Variants in KIAA0232 observed in about 807,000 individuals in gnomAD.
KIAA0232 encodes the protein uncharacterized protein KIAA0232.
KIAA0232 carries 27 observed loss-of-function variants against 122.0 expected under a neutral mutation model. That is an observed-to-expected ratio of 0.22 (90% CI 0.16 to 0.31). The LOEUF (loss-of-function observed/expected upper bound fraction) is 0.31. Among genes scored for constraint, KIAA0232 ranks in the 10% least tolerant of loss-of-function variants. The pLI, the probability that KIAA0232 is intolerant of heterozygous loss-of-function variation, is 1.00. For synonymous variants in KIAA0232, 613 were observed against 587.6 expected (o/e 1.04, Z -0.63); for missense variants, 1,551 against 1,634.2 (o/e 0.95, Z 0.88).
intron 1 of KIAA0232, among the ~76,000 whole-genome samples, chr4:6,803,959 A>G (rs1341433346): frequency 6.6e-6 from 1 of 152,216 alleles, no homozygotes; most frequent in Non-Finnish European, 1.5e-5. Context: ...AAGATGTATC[A>G]CCTTTGTTAA....
At chr4:6,875,599 G>A (rs1213355273) in intron 8 of KIAA0232, among the ~76,000 whole-genome samples, 1 of 152,186 alleles carries the variant, frequency 6.6e-6, no homozygotes, top group Non-Finnish European at 1.5e-5. Flanking sequence ...GCAGTCACTT[G>A]CTCCAGCCTT....
At position 6,791,375 on chromosome 4, in the gene KIAA0232, G is replaced by T. The variant is rs1357066680; in HGVS notation, c.-354+8534G>T. 5.0e-5 allele frequency among the ~76,000 whole-genome samples: 6 copies of T among 119,722 alleles called. No individual in the cohort carries two copies. The Admixed American group carries it at 5.8e-4, about 12-fold the overall frequency. The allele number at this position is 119,722 out of a possible 152,430, so 78.5% of individuals were successfully genotyped here. ...GGGTCTCATTCTGTCACCCAGGCTAGAGTGCAGTGGCACAATTATGGCTCA... is the reference window on the plus strand; with the variant it reads ...GGGTCTCATTCTGTCACCCAGGCTATAGTGCAGTGGCACAATTATGGCTCA... On this transcript the variant is annotated intron_variant, in intron 1 of 9. Coordinates refer to ENST00000307659, the MANE Select transcript of KIAA0232 (RefSeq NM_014743.3).
At chr4:6,837,211 G>A (rs915943462) in intron 3 of KIAA0232, among the ~76,000 whole-genome samples, 141 of 151,172 alleles carry the variant, frequency 9.3e-4, no homozygotes, top group South Asian at 1.5e-3. Context: ...GCTGCCGGGC[G>A]GAGGGGCTCC....
chr4:6,838,723 G>A (rs1204668944), intron 3 of KIAA0232, among the ~76,000 whole-genome samples: 3 of 138,056 alleles, frequency 2.2e-5, no homozygotes, highest in Non-Finnish European at 4.6e-5. Context: ...TACTTTCAAA[G>A]CAGCTTTTTT....
rs905731939 is a variant in KIAA0232, at chr4:6,849,473, G to A, written c.369+7269G>A. Among the ~76,000 whole-genome samples the A allele has an allele frequency of 3.9e-4, 59 of 152,230 alleles. 2 individuals carry two copies. Among genetic ancestry groups the A allele is most frequent in the Admixed American group, 3.1e-3 (47 of 15,294 alleles). On this transcript the variant is annotated intron_variant, in intron 4 of 9. Transcript: ENST00000307659. Reference sequence around the variant, plus strand: ...TCTACTAAAAATATAAAAATTAACCGGACGTGGTGGCGCCCACCCATAATC... The same window carrying A: ...TCTACTAAAAATATAAAAATTAACCAGACGTGGTGGCGCCCACCCATAATC...
intron 1 of KIAA0232, among the ~76,000 whole-genome samples, chr4:6,790,939 G>C (rs76739116): frequency 4.4e-5 from 1 of 22,576 alleles, no homozygotes; most frequent in African/African-American, 2.1e-4. Flanking sequence ...TTTTTTTTTT[G>C]AGGCAGTCTT....
At chr4:6,811,899 T>A (rs1717898478) in intron 2 of KIAA0232, among the ~76,000 whole-genome samples, 1 of 152,142 alleles carries the variant, frequency 6.6e-6, no homozygotes, top group Non-Finnish European at 1.5e-5. Flanking sequence ...CAGTTCTCTC[T>A]TTGTTTTGTT....
At chr4:6,825,917 T>C (rs183813686) in intron 3 of KIAA0232, among the ~76,000 whole-genome samples, 210 of 152,214 alleles carry the variant, frequency 1.4e-3, no homozygotes, top group African/African-American at 4.8e-3. Flanking sequence ...AACTTCAAAG[T>C]CCTATAAATA....
intron 9 of KIAA0232, among the ~76,000 whole-genome samples, chr4:6,879,752 T>C (rs1268485719): frequency 1.3e-5 from 2 of 152,058 alleles, no homozygotes; most frequent in African/African-American, 4.8e-5. Flanking sequence ...TTGGCACCTC[T>C]GCATGGCTGG....
intron 4 of KIAA0232, among the ~76,000 whole-genome samples, chr4:6,851,722 T>TAAAAAAA (rs74937263): frequency 1.0e-5 from 1 of 97,218 alleles, no homozygotes; most frequent in Non-Finnish European, 1.9e-5. Flanking sequence ...TCTCAAAAAT[T>TAAAAAAA]AAAAAAAAAA....
rs557983987 is a variant in KIAA0232, at chr4:6,849,525, A to C, written c.369+7321A>C. Among the ~76,000 whole-genome samples, 19 of 152,328 alleles carry C rather than the reference A, an allele frequency of 1.2e-4. No individual in the cohort carries two copies. The South Asian group carries it at 3.9e-3, about 32-fold the overall frequency. ...CAGCTACCTGGGAGGCTGAGACAGG[A>C]GAATCACTTGAACCCAGGAGGCAGA... On this transcript the variant is annotated intron_variant, in intron 4 of 9. Transcript: ENST00000307659.
At chr4:6,830,717 A>G (rs947446666) in intron 3 of KIAA0232, among the ~76,000 whole-genome samples, 2 of 151,764 alleles carry the variant, frequency 1.3e-5, no homozygotes, top group African/African-American at 4.8e-5. Flanking sequence ...TGTTTTCTTT[A>G]TTCTCAAGCT....
chr4:6,807,263 A>G (rs866813214), intron 2 of KIAA0232, among the ~76,000 whole-genome samples: 1 of 152,216 alleles, frequency 6.6e-6, no homozygotes, highest in Non-Finnish European at 1.5e-5. Context: ...CAGGCTTGCA[A>G]TTTATGAAAA....
chr4:6,817,301 C>T (rs891450019), intron 2 of KIAA0232, among the ~76,000 whole-genome samples: 2 of 152,136 alleles, frequency 1.3e-5, no homozygotes, highest in African/African-American at 4.8e-5. Flanking sequence ...GCAGCCGCCT[C>T]CTCCTCCCAG....
At chr4:6,816,818 T>G (rs2109000148) in intron 2 of KIAA0232, among the ~76,000 whole-genome samples, 1 of 152,310 alleles carries the variant, frequency 6.6e-6, no homozygotes, top group Non-Finnish European at 1.5e-5. Flanking sequence ...TTGAGTAGGC[T>G]TTGGTAGTTT....
rs551788156 is a variant in KIAA0232 at position 6,844,252 on chromosome 4, G to A, written c.369+2048G>A. ...ACCGCACCCGACCAAGTTACCCATC[G>A]TTTTTATCTCCTACTGCCTAGCACA... On this transcript the variant is annotated intron_variant, in intron 4 of 9. Transcript: ENST00000307659. 5.9e-5 allele frequency among the ~76,000 whole-genome samples: 9 copies of A among 151,524 alleles called. No individual in the cohort carries two copies. In the East Asian group the frequency reaches 7.8e-4, roughly 13 times the overall value.
chr4:6,856,638 G>A (rs1720584202), intron 4 of KIAA0232, among the ~76,000 whole-genome samples: 1 of 151,640 alleles, frequency 6.6e-6, no homozygotes, highest in Non-Finnish European at 1.5e-5. Context: ...TTCATTTTCT[G>A]GACTTCTGTT....
At chr4:6,866,333 T>A in intron 7 of KIAA0232, 2 of 528,082 alleles carry the variant, frequency 3.8e-6, no homozygotes, top group Non-Finnish European at 4.9e-6. Flanking sequence ...CCAAAAAAAT[T>A]CCCAGAGGAC....
intron 2 of KIAA0232, among the ~76,000 whole-genome samples, chr4:6,817,666 A>C (rs1219140849): frequency 6.6e-6 from 1 of 152,200 alleles, no homozygotes; most frequent in African/African-American, 2.4e-5. Flanking sequence ...CTGTGGCCAA[A>C]GATACAGTTT....
Sources: allele counts gnomAD v4.1 joint callset (sites outside exome capture counted in the v4.1 genomes callset), GRCh38; gene constraint gnomAD v4.1.1; transcripts MANE v1.5; gene names NCBI Gene and HGNC (gene_info 2026-07-23, HGNC 2026-07-21).